Variants in CEP162 observed in about 807,000 individuals in gnomAD.
The protein encoded by CEP162 is centrosomal protein 162.
CEP162 carries 141 observed loss-of-function variants against 169.2 expected under a neutral mutation model. The observed-to-expected ratio is 0.83, with a 90% CI of 0.73 to 0.96. The LOEUF is 0.96. Ranked by LOEUF, CEP162 falls within the 40% of genes least tolerant of loss-of-function variation. The pLI is 0.00. For synonymous variants in CEP162, 540 were observed against 526.4 expected, an observed-to-expected ratio of 1.03 and a Z score of -0.35; for missense variants, 1,600 against 1,587.2, an observed-to-expected ratio of 1.01 and a Z score of -0.14.
At chr6:84,186,657 C>T in intron 11 of CEP162, 34 bp from the exon 12 acceptor site, 1 of 1,533,562 alleles carries the variant, frequency 6.5e-7, no homozygotes, top group Middle Eastern at 1.7e-4. Flanking sequence ...ATAATGAACC[C>T]TATGTAACAG....
Position 84,185,129 on chromosome 6 carries a change from C to A in CEP162, c.1663+58G>T. 2.1e-6 allele frequency: 3 copies of A among 1,414,048 alleles called. No homozygotes were observed. The Admixed American group carries it at 6.1e-5, about 29-fold the overall frequency. The allele number at this position is 1,414,048 out of a possible 1,614,324, so 87.6% of individuals were successfully genotyped here. A position where few individuals can be genotyped will look rare whatever the true frequency, so the allele number is the denominator to read the frequency against. The stretch of plus-strand genomic sequence containing the variant: ...ACAAATGGAATGTGGTACCTTAATT[C>A]TCTTCCATGGAAGCAAAGAAAGTAA... On this transcript the variant is annotated intron_variant, in intron 13 of 26. Coordinates refer to ENST00000403245, the MANE Select transcript of CEP162 (RefSeq NM_014895.4).
In CEP162 at chr6:84,159,230, T is replaced by C. The variant is rs527947882; in HGVS notation, c.2781+1582A>G. On this transcript the variant is annotated intron_variant, in intron 21 of 26. Transcript: ENST00000403245. ...ATATGCAGCAATCCAACTATATAGA[T>C]AACTATTTTAGAAAAATATAAGATG... Among the ~76,000 whole-genome samples, 9 of 151,566 alleles carry C rather than the reference T, an allele frequency of 5.9e-5. 1 individual carries two copies. Among genetic ancestry groups the C allele is most frequent in the African/African-American group, 2.2e-4 (9 of 41,460 alleles).
intron 25 of CEP162, among the ~76,000 whole-genome samples, chr6:84,133,055 T>C (rs753727441): frequency 6.6e-6 from 1 of 152,228 alleles, no homozygotes; most frequent in South Asian, 2.1e-4. Context: ...ATGTCCTTTA[T>C]GTTTGTTAGT....
At chr6:84,209,492 A>G (rs1291796821) in intron 6 of CEP162, among the ~76,000 whole-genome samples, 1 of 151,454 alleles carries the variant, frequency 6.6e-6, no homozygotes, top group Non-Finnish European at 1.5e-5. Context: ...CTCCTGCCTC[A>G]GCCTCCTGAG....
rs199615642 is a variant in CEP162 at position 84,136,720 on chromosome 6, G to GA, written c.3870+9966dup. On this transcript the variant is annotated intron_variant, in intron 25 of 26. Coordinates refer to ENST00000403245, the MANE Select transcript of CEP162 (RefSeq NM_014895.4). ...CTCACTAAGTATTTATTAAATCAAT[G>GA]AAAAAAAATGCTATGAAGGTCTTAT... Among the ~76,000 whole-genome samples, 80 of 151,812 alleles carry GA rather than the reference G, an allele frequency of 5.3e-4. 1 individual carries two copies. The highest frequency in any genetic ancestry group is 1.4e-3 in the African/African-American group (60 of 41,428).
intron 13 of CEP162, among the ~76,000 whole-genome samples, chr6:84,178,381 C>T (rs899319493): frequency 4.0e-5 from 6 of 151,852 alleles, no homozygotes; most frequent in Non-Finnish European, 8.8e-5. Flanking sequence ...GAAGATGAAA[C>T]AAGATTGAAT....
At chr6:84,181,956 A>G (rs1322789313) in intron 13 of CEP162, among the ~76,000 whole-genome samples, 3 of 152,102 alleles carry the variant, frequency 2.0e-5, no homozygotes. Flanking sequence ...AGTGTTTTTC[A>G]TAATCTCTTT....
chr6:84,216,607 G>GT (rs1190916463), intron 3 of CEP162, among the ~76,000 whole-genome samples: 3 of 152,144 alleles, frequency 2.0e-5, no homozygotes, highest in African/African-American at 7.2e-5. Flanking sequence ...CATATTAAAA[G>GT]TTTTTTATGA....
At chr6:84,203,872 A>G (rs1341693798) in intron 7 of CEP162, 109 bp downstream of exon 7, 2 of 512,758 alleles carry the variant, frequency 3.9e-6, no homozygotes, top group Non-Finnish European at 6.9e-6. Flanking sequence ...GTTTACAACA[A>G]TAAGCAAGAT....
chr6:84,138,932 C>G (rs1016693504), intron 25 of CEP162, among the ~76,000 whole-genome samples: 9 of 152,176 alleles, frequency 5.9e-5, no homozygotes, highest in African/African-American at 2.2e-4. Flanking sequence ...AAAACTGACA[C>G]TTGCGTAATT....
rs760028655 is a variant in CEP162, at chr6:84,161,745, C to T, written c.2676+1G>A. On this transcript the variant is annotated splice_donor_variant, in intron 20 of 26. Transcript: ENST00000403245. LOFTEE classifies it high-confidence loss of function. ...GAAATACATTCTGAAATATCTATTA[C>T]CTCAAGTTTGAGCTTCTCAATTTCC... The T allele has an allele frequency of 6.3e-7, 1 of 1,578,400 alleles. No homozygotes were observed. Among genetic ancestry groups the T allele is most frequent in the Admixed American group, 1.8e-5 (1 of 54,664 alleles).
At chr6:84,203,507 T>C (rs1249256066) in intron 7 of CEP162, among the ~76,000 whole-genome samples, 1 of 152,172 alleles carries the variant, frequency 6.6e-6, no homozygotes, top group South Asian at 2.1e-4. Context: ...TGCAGTGACA[T>C]GATCACAGCT....
At chr6:84,197,821 A>G (rs564050103) in intron 9 of CEP162, among the ~76,000 whole-genome samples, 237 of 136,234 alleles carry the variant, frequency 1.7e-3, no homozygotes, top group Non-Finnish European at 2.8e-3. Flanking sequence ...TGCCTCAAAC[A>G]AAACAAAAAA....
At chr6:84,136,412 A>G (rs2099514090) in intron 25 of CEP162, among the ~76,000 whole-genome samples, 2 of 152,296 alleles carry the variant, frequency 1.3e-5, no homozygotes, top group Admixed American at 6.5e-5. Flanking sequence ...GGGAATGAGA[A>G]CCACTGAACT....
chr6:84,199,622 C>T (rs1035154017), intron 9 of CEP162, among the ~76,000 whole-genome samples: 3 of 149,086 alleles, frequency 2.0e-5, no homozygotes, highest in African/African-American at 4.9e-5. Context: ...AGTTGGTTAG[C>T]GATTTCTATT....
chr6:84,221,101 T>C lies in CEP162; in HGVS notation c.128A>G (p.Asp43Gly). ...RQSKKEMKKK[D>G]TVPWWITEDD... Reference sequence around the variant, plus strand: ...TTCAGTTATCCACCAAGGCACTGTATCTTTCTTCTTCATCTCTTTTTTAGA... The same window carrying C: ...TTCAGTTATCCACCAAGGCACTGTACCTTTCTTCTTCATCTCTTTTTTAGA... Residue 43 changes from aspartate to glycine, a missense_variant, in exon 3 of 27, where the codon GAT becomes GGT. Asp to Gly is a moderately conservative substitution (Grantham distance 94, BLOSUM62 -1). Transcript: ENST00000403245. 6.2e-7 allele frequency: 1 copy of C among 1,603,140 alleles called. No homozygotes were observed. The highest frequency in any genetic ancestry group is 1.7e-5 in the Admixed American group (1 of 59,890).
rs1203146474 is a variant in CEP162 at position 84,165,467 on chromosome 6, TA to T, written c.2386-2198del. Among the ~76,000 whole-genome samples the T allele has an allele frequency of 3.3e-5, 5 of 152,202 alleles. No homozygotes were observed. In the East Asian group the frequency reaches 9.7e-4, roughly 30 times the overall value. The stretch of plus-strand genomic sequence containing the variant: ...TCAAGTTAAGCTAAGCTATTCCTGA[TA>T]ACCCCCTCTTCTGTCTCCCACAAAC... On this transcript the variant is annotated intron_variant, in intron 18 of 26. Coordinates refer to ENST00000403245, the MANE Select transcript of CEP162 (RefSeq NM_014895.4).
At chr6:84,220,948 C>A (rs2099553507) in intron 3 of CEP162, 109 bp downstream of exon 3, 2 of 574,722 alleles carry the variant, frequency 3.5e-6, no homozygotes, top group South Asian at 2.5e-5. Context: ...AAAATCCACA[C>A]TATTAGTATT....
intron 25 of CEP162, among the ~76,000 whole-genome samples, chr6:84,135,008 C>CAT (rs1321703577): frequency 1.3e-5 from 2 of 151,496 alleles, no homozygotes; most frequent in African/African-American, 4.9e-5. Flanking sequence ...TGCATACATA[C>CAT]ATACATGAAC....
Sources: allele counts gnomAD v4.1 joint callset (sites outside exome capture counted in the v4.1 genomes callset), GRCh38; gene constraint gnomAD v4.1.1; transcripts MANE v1.5; gene names NCBI Gene and HGNC (gene_info 2026-07-23, HGNC 2026-07-21).